PATJ: variants seen among roughly 807,000 people sequenced by gnomAD.
PATJ encodes inaD-like protein.
PATJ carries 190 observed loss-of-function variants against 224.9 expected under a neutral mutation model. The observed-to-expected ratio is 0.84, with a 90% CI of 0.75 to 0.95. The LOEUF is 0.95. PATJ is among the 40% of genes least tolerant of loss of function. PATJ has a pLI of 0.00. For synonymous variants in PATJ, 769 were observed against 820.3 expected, an observed-to-expected ratio of 0.94 and a Z score of 1.07; for missense variants, 2,121 against 2,270.3, an observed-to-expected ratio of 0.93 and a Z score of 1.34.
At chr1:61,822,811 T>C in intron 14 of PATJ, 134 bp from the exon 15 acceptor site, 1 of 1,000,252 alleles carries the variant, frequency 1.0e-6, no homozygotes, top group African/African-American at 1.6e-5. Flanking sequence ...ATTTTCCTAT[T>C]ATTGTCCTCT....
intron 27 of PATJ, among the ~76,000 whole-genome samples, chr1:61,985,522 CA>C (rs1488978291): frequency 6.6e-6 from 1 of 151,992 alleles, no homozygotes; most frequent in African/African-American, 2.4e-5. Context: ...TCACATTGTA[CA>C]ACCATCCATC....
chr1:62,116,814 AT>A, intron 36 of PATJ, 135 bp downstream of exon 36: 1 of 846,376 alleles, frequency 1.2e-6, no homozygotes, highest in Non-Finnish European at 1.8e-6. Flanking sequence ...ATCTCTGATT[AT>A]TTTAAATGAG....
intron 33 of PATJ, among the ~76,000 whole-genome samples, chr1:62,102,732 A>G (rs942937379): frequency 6.6e-6 from 1 of 151,752 alleles, no homozygotes; most frequent in Non-Finnish European, 1.5e-5. Flanking sequence ...GTGGTGGCAC[A>G]CGCCTTCGTC....
At chr1:61,875,011 G>GT (rs536860053) in intron 20 of PATJ, among the ~76,000 whole-genome samples, 5 of 152,174 alleles carry the variant, frequency 3.3e-5, no homozygotes, top group South Asian at 2.1e-4. Context: ...TTATAAAACA[G>GT]TTTTTTTGGT....
At chr1:62,031,007 T>C (rs1649164877) in intron 29 of PATJ, among the ~76,000 whole-genome samples, 1 of 152,188 alleles carries the variant, frequency 6.6e-6, no homozygotes, top group Non-Finnish European at 1.5e-5. Context: ...TAAACTTGTA[T>C]AGAGCATGTT....
chr1:61,909,970 C>T (rs1468234889), intron 25 of PATJ, among the ~76,000 whole-genome samples: 1 of 152,148 alleles, frequency 6.6e-6, no homozygotes. Context: ...TTTACATCAT[C>T]AAGACTAATT....
intron 32 of PATJ, among the ~76,000 whole-genome samples, chr1:62,080,177 C>G (rs1659037217): frequency 6.6e-6 from 1 of 152,060 alleles, no homozygotes; most frequent in South Asian, 2.1e-4. Flanking sequence ...AATTTTTAGC[C>G]CTGCAAATGT....
intron 14 of PATJ, among the ~76,000 whole-genome samples, chr1:61,820,040 A>C (rs574125880): frequency 1.3e-5 from 2 of 152,038 alleles, no homozygotes; most frequent in Admixed American, 1.3e-4. Flanking sequence ...GTATTTAATT[A>C]ATTTATTTAT....
At chr1:62,001,858 A>C (rs142018584) in intron 28 of PATJ, among the ~76,000 whole-genome samples, 2 of 152,126 alleles carry the variant, frequency 1.3e-5, no homozygotes, top group East Asian at 1.9e-4. Flanking sequence ...CTTTTATTTC[A>C]TTGAGCAGTG....
At chr1:61,868,216 T>C (rs1158813049) in intron 20 of PATJ, among the ~76,000 whole-genome samples, 1 of 152,236 alleles carries the variant, frequency 6.6e-6, no homozygotes, top group South Asian at 2.1e-4. Flanking sequence ...TAAGTACATG[T>C]ACATTTTTGT....
At position 62,163,065 on chromosome 1, in the gene PATJ, G is replaced by T; in HGVS notation, c.*2011G>T. 5.1e-6 allele frequency: 1 copy of T among 197,910 alleles called. No individual in the cohort carries two copies. Among genetic ancestry groups the T allele is most frequent in the South Asian group, 5.8e-5 (1 of 17,270 alleles). 12.3% of individuals were successfully genotyped at this position (197,910 alleles called of 1,614,324 possible). On this transcript the variant is annotated 3_prime_UTR_variant, in exon 44 of 44. Transcript: ENST00000642238. ...CACAGTAATTATCAAAATTTAATGG[G>T]CTCTAATTTAAAATGTTATTTAATA...
intron 22 of PATJ, among the ~76,000 whole-genome samples, chr1:61,888,094 A>T (rs189622191): frequency 1.3e-5 from 2 of 152,294 alleles, no homozygotes; most frequent in African/African-American, 4.8e-5. Context: ...CTACTCTGCA[A>T]AAGCCAGGCC....
intron 31 of PATJ, among the ~76,000 whole-genome samples, chr1:62,055,998 G>A (rs1430435667): frequency 1.3e-5 from 2 of 152,028 alleles, no homozygotes; most frequent in Non-Finnish European, 2.9e-5. Flanking sequence ...TGATGTCCAG[G>A]GGCAGGAGAA....
At chr1:61,742,713 G>A (rs192133670) in intron 1 of PATJ, among the ~76,000 whole-genome samples, 158 bp downstream of exon 1, 9,252 of 151,532 alleles carry the variant, frequency 0.061, 327 homozygotes, top group South Asian at 0.16. Context: ...GGGAGCCGGA[G>A]GTGGAGGGCG....
Position 61,901,452 on chromosome 1 carries a change from T to A in PATJ, c.3374T>A (p.Ile1125Lys). ...AACGCACTTAAAACTGGAGATAAAA[T>A]ACTTGAGGTAAATGATGTTAAAGTA... The part of the protein sequence containing the change: ...KTNALKTGDK[I>K]LEVSGVDLQN... Residue 1125 changes from isoleucine (I) to lysine (K), a missense_variant, in exon 24 of 44, where the codon ATA (isoleucine) becomes AAA (lysine). By Grantham distance (102) the Ile-to-Lys change is moderately radical. Coordinates refer to ENST00000642238, the MANE Select transcript of PATJ (RefSeq NM_001350145.3). 6.3e-7 allele frequency: 1 copy of A among 1,577,610 alleles called. No homozygotes were observed. The highest frequency in any genetic ancestry group is 8.6e-7 in the Non-Finnish European group (1 of 1,166,334).
chr1:61,829,350 C>T (rs560166611), intron 16 of PATJ, among the ~76,000 whole-genome samples: 2 of 152,312 alleles, frequency 1.3e-5, no homozygotes, highest in East Asian at 1.9e-4. Context: ...AAATGCCACA[C>T]TTTTGTGACT....
chr1:62,081,933 T>A (rs1659335136), intron 32 of PATJ, among the ~76,000 whole-genome samples: 1 of 152,216 alleles, frequency 6.6e-6, no homozygotes, highest in Non-Finnish European at 1.5e-5. Context: ...ATTTTTATTG[T>A]AAATTAATGG....
At chr1:61,924,580 C>T (rs1230088524) in intron 26 of PATJ, among the ~76,000 whole-genome samples, 1 of 152,124 alleles carries the variant, frequency 6.6e-6, no homozygotes, top group East Asian at 1.9e-4. Context: ...AAGGCTTGTA[C>T]ATTTAAAGTA....
At chr1:62,098,055 G>C (rs942089190) in intron 33 of PATJ, among the ~76,000 whole-genome samples, 2 of 151,998 alleles carry the variant, frequency 1.3e-5, no homozygotes, top group Non-Finnish European at 2.9e-5. Flanking sequence ...GATCACTAGA[G>C]GTCAGAAGTT....
Sources: gnomAD v4.1 joint callset for allele counts (sites outside exome capture counted in the v4.1 genomes callset) on GRCh38, gnomAD v4.1.1 for gene constraint, MANE v1.5 for transcripts, NCBI Gene and HGNC (gene_info 2026-07-23, HGNC 2026-07-21) for gene names.